Variants in RANBP2 observed in about 807,000 individuals in gnomAD.
RANBP2 encodes the protein E3 SUMO-protein ligase RanBP2.
In RANBP2, 57 loss-of-function variants were observed where a neutral mutation model predicts 303.6. The ratio of observed to expected loss-of-function variants is 0.19; its 90% CI spans 0.15 to 0.23. RANBP2 has a LOEUF of 0.23. RANBP2 is among the 10% of genes least tolerant of loss of function. The probability of loss-of-function intolerance (pLI) is 1.00; values close to 1 mark genes in which losing one functional copy is unlikely to be tolerated. For synonymous variants in RANBP2, 1,167 were observed against 1,301.5 expected (o/e 0.90, Z 2.23); for missense variants, 3,138 against 3,780.8 (o/e 0.83, Z 4.46).
At chr2:109,593,171 AC>A in the RANBP2 span, 1 of 1,217,296 alleles carries the variant, frequency 8.2e-7, no homozygotes, top group Admixed American at 2.1e-5. Context: ...TACTCCCCAA[AC>A]CCCATTATCT....
At chr2:108,843,889 T>TTC in the RANBP2 span, among the ~76,000 whole-genome samples, 3 of 122,142 alleles carry the variant, frequency 2.5e-5, no homozygotes, top group South Asian at 9.7e-4. Context: ...TTTCTTTCTT[T>TTC]TTTTTTTTTT....
At chr2:108,892,038 G>A in the RANBP2 span, among the ~76,000 whole-genome samples, 4 of 152,164 alleles carry the variant, frequency 2.6e-5, no homozygotes, top group African/African-American at 9.7e-5. Context: ...GCCCCTTGGT[G>A]AGAGCAGGCA....
the RANBP2 span, among the ~76,000 whole-genome samples, chr2:109,641,564 A>G: frequency 5.9e-5 from 9 of 152,198 alleles, no homozygotes; most frequent in Non-Finnish European, 1.2e-4. Flanking sequence ...GACAGAAAGT[A>G]CAATGATGGT....
the RANBP2 span, among the ~76,000 whole-genome samples, chr2:109,384,577 C>T: frequency 6.6e-6 from 1 of 152,144 alleles, no homozygotes; most frequent in African/African-American, 2.4e-5. Flanking sequence ...TTGGCATCTG[C>T]TCTGCATTTG....
At chr2:109,566,246 G>A in the RANBP2 span, among the ~76,000 whole-genome samples, 1 of 151,864 alleles carries the variant, frequency 6.6e-6, no homozygotes. Context: ...TCAGCCTCCC[G>A]AGTAGCTGGG....
chr2:108,727,060 G>A (rs527309118), intron 1 of RANBP2, among the ~76,000 whole-genome samples: 2 of 152,196 alleles, frequency 1.3e-5, no homozygotes, highest in East Asian at 1.9e-4. Flanking sequence ...GCAACCATCC[G>A]ATTTCTCAAT....
At chr2:109,364,301 T>C in the RANBP2 span, among the ~76,000 whole-genome samples, 3 of 152,234 alleles carry the variant, frequency 2.0e-5, no homozygotes, top group African/African-American at 7.2e-5. Flanking sequence ...TCATTTCTGC[T>C]ACAGGGTTTT....
chr2:109,499,897 G>C, the RANBP2 span, among the ~76,000 whole-genome samples: 1 of 152,212 alleles, frequency 6.6e-6, no homozygotes, highest in African/African-American at 2.4e-5. Context: ...GCTGAGCTCA[G>C]GTTCAATTGG....
the RANBP2 span, among the ~76,000 whole-genome samples, chr2:109,265,677 T>A: frequency 4.6e-5 from 7 of 152,244 alleles, no homozygotes; most frequent in African/African-American, 1.7e-4. Flanking sequence ...TTGGGTTGAA[T>A]TTATAGCCAC....
the RANBP2 span, chr2:108,897,276 T>C: frequency 6.5e-7 from 1 of 1,543,620 alleles, no homozygotes; most frequent in Non-Finnish European, 9.0e-7. Flanking sequence ...TCACAGTCAA[T>C]AGAAGGTCAA....
the RANBP2 span, chr2:108,911,001 C>T: frequency 2.2e-5 from 36 of 1,614,098 alleles, no homozygotes; most frequent in Non-Finnish European, 2.8e-5. Context: ...AGGACGATGG[C>T]GATGGCCATG....
chr2:108,771,924 T>C (rs1444955662), intron 21 of RANBP2, 53 bp downstream of exon 21: 5 of 1,608,254 alleles, frequency 3.1e-6, no homozygotes, highest in Admixed American at 1.7e-5. Context: ...CTTAGTAAAA[T>C]TGGGAGTATG....
the RANBP2 span, among the ~76,000 whole-genome samples, chr2:108,917,841 G>A: frequency 6.6e-6 from 1 of 152,150 alleles, no homozygotes; most frequent in Non-Finnish European, 1.5e-5. Context: ...TGTGGTTTGA[G>A]GGCAGCTAAT....
chr2:109,546,267 G>T, the RANBP2 span: 1 of 1,454,964 alleles, frequency 6.9e-7, no homozygotes, highest in South Asian at 1.4e-5. Flanking sequence ...CCCCACTACT[G>T]ACACAGCGCG....
At chr2:108,883,589 A>T in the RANBP2 span, 1 of 152,376 alleles carries the variant, frequency 6.6e-6, no homozygotes, top group East Asian at 1.9e-4. Flanking sequence ...CAGGATGTCC[A>T]GTTTCAGCCT....
the RANBP2 span, among the ~76,000 whole-genome samples, chr2:109,526,685 T>C: frequency 3.3e-5 from 5 of 152,128 alleles, no homozygotes; most frequent in Admixed American, 2.0e-4. Context: ...CACGGATGTG[T>C]CTGCCATGCA....
At chr2:109,517,122 G>A in the RANBP2 span, among the ~76,000 whole-genome samples, 1 of 152,150 alleles carries the variant, frequency 6.6e-6, no homozygotes, top group African/African-American at 2.4e-5. Flanking sequence ...TGAGTTCTGG[G>A]GGACTGGTGT....
At chr2:108,788,245 C>A (rs1265685189), downstream of RANBP2, among the ~76,000 whole-genome samples, 2 of 151,032 alleles carry the variant, frequency 1.3e-5, no homozygotes, top group African/African-American at 4.9e-5. Context: ...ATAGTGAAAT[C>A]CCGTCTCTAC....
chr2:108,984,186 T>C, the RANBP2 span, among the ~76,000 whole-genome samples: 1 of 152,150 alleles, frequency 6.6e-6, no homozygotes, highest in East Asian at 1.9e-4. Context: ...ATTCCTCTCC[T>C]GCCACCCTTC....
Sources: allele counts gnomAD v4.1 joint callset (sites outside exome capture counted in the v4.1 genomes callset), GRCh38; gene constraint gnomAD v4.1.1; transcripts MANE v1.5; gene names NCBI Gene and HGNC (gene_info 2026-07-23, HGNC 2026-07-21).